Variants in DGKI observed in about 807,000 individuals in gnomAD.
The protein encoded by DGKI is DAG kinase iota.
Under a neutral mutation model 147.5 loss-of-function variants are expected in DGKI, and 55 were observed. The ratio of observed to expected loss-of-function variants is 0.37; its 90% CI spans 0.30 to 0.47. DGKI has a LOEUF of 0.47. DGKI is among the 20% of genes least tolerant of loss of function. The pLI is 1.00. For missense variants in DGKI, 1,007 were observed against 1,323.8 expected (o/e 0.76, Z 3.71); for synonymous variants, 469 against 477.1 (o/e 0.98, Z 0.22).
intron 28 of DGKI, among the ~76,000 whole-genome samples, chr7:137,416,499 C>A (rs142190869): frequency 1.5e-3 from 230 of 152,254 alleles, no homozygotes; most frequent in African/African-American, 5.3e-3. Flanking sequence ...GGAGAGTAGT[C>A]TCAGGTAACG....
chr7:137,487,006 C>T (rs1211974706), intron 22 of DGKI, among the ~76,000 whole-genome samples: 1 of 151,994 alleles, frequency 6.6e-6, no homozygotes, highest in African/African-American at 2.4e-5. Context: ...CAAAAACAAC[C>T]AACAACAATT....
At chr7:137,774,068 AC>A (rs1796289608) in intron 1 of DGKI, among the ~76,000 whole-genome samples, 2 of 152,294 alleles carry the variant, frequency 1.3e-5, no homozygotes, top group East Asian at 3.9e-4. Flanking sequence ...AAGGCACCAA[AC>A]TTTTTCAGTC....
chr7:137,595,027 C>A (rs529593803), intron 12 of DGKI, among the ~76,000 whole-genome samples: 1 of 151,904 alleles, frequency 6.6e-6, no homozygotes, highest in Non-Finnish European at 1.5e-5. Context: ...CATGGGGCAC[C>A]CAAGTGTAAA....
At chr7:137,795,703 C>T (rs888901053) in intron 1 of DGKI, among the ~76,000 whole-genome samples, 1 of 152,176 alleles carries the variant, frequency 6.6e-6, no homozygotes, top group African/African-American at 2.4e-5. Context: ...TCTGAGAAGA[C>T]CCCAATCTCT....
rs1811157847 is a variant in DGKI, at chr7:137,385,601, A to T, written c.*5619T>A. Reference sequence around the variant, plus strand: ...TCAAAACCCACTGAAAACTCTGCTTATTTTTCCTAGTTCTATCCTGAGAGC... The same window carrying T: ...TCAAAACCCACTGAAAACTCTGCTTTTTTTTCCTAGTTCTATCCTGAGAGC... On this transcript the variant is annotated 3_prime_UTR_variant, in exon 33 of 33. Transcript: ENST00000614521. 1 of 152,032 alleles carries T rather than the reference A, an allele frequency of 6.6e-6. No homozygotes were observed. The highest frequency in any genetic ancestry group is 6.6e-5 in the Admixed American group (1 of 15,248). The allele number at this position is 152,032 out of a possible 1,614,324, so 9.4% of individuals were successfully genotyped here.
chr7:137,781,426 C>A (rs928601999), intron 1 of DGKI, among the ~76,000 whole-genome samples: 3 of 152,338 alleles, frequency 2.0e-5, no homozygotes, highest in South Asian at 2.1e-4. Context: ...TGAAACTAGA[C>A]TAACAATTCA....
intron 1 of DGKI, among the ~76,000 whole-genome samples, chr7:137,788,862 A>G (rs1796759886): frequency 6.6e-6 from 1 of 152,270 alleles, no homozygotes; most frequent in East Asian, 1.9e-4. Context: ...GTGCTTCACT[A>G]TGTGCCCTTC....
In DGKI at chr7:137,386,936, C is replaced by T. The variant is rs1429788911; in HGVS notation, c.*4284G>A. On this transcript the variant is annotated 3_prime_UTR_variant, in exon 33 of 33. Coordinates refer to ENST00000614521, the MANE Select transcript of DGKI (RefSeq NM_001321708.2). ...ATGAATATAATTCATTTAAATAGAACAATTAGTAGTTTTATTTGATGGTTA... is the reference window on the plus strand; with the variant it reads ...ATGAATATAATTCATTTAAATAGAATAATTAGTAGTTTTATTTGATGGTTA... 1.3e-5 allele frequency: 2 copies of T among 152,072 alleles called. No homozygotes were observed. Among genetic ancestry groups the T allele is most frequent in the African/African-American group, 4.8e-5 (2 of 41,426 alleles). 9.4% of individuals were successfully genotyped at this position (152,072 alleles called of 1,614,324 possible).
At chr7:137,403,340 A>G (rs1585080143) in intron 30 of DGKI, among the ~76,000 whole-genome samples, 1 of 152,336 alleles carries the variant, frequency 6.6e-6, no homozygotes, top group East Asian at 1.9e-4. Context: ...CAAGCCTCCC[A>G]TGGCGCTTTC....
chr7:137,611,318 C>T (rs1011198142), intron 8 of DGKI, among the ~76,000 whole-genome samples: 1 of 152,172 alleles, frequency 6.6e-6, no homozygotes. Flanking sequence ...TACACATTGG[C>T]ATCACCCAGA....
intron 12 of DGKI, among the ~76,000 whole-genome samples, chr7:137,594,432 A>G (rs1036877496): frequency 6.6e-6 from 1 of 152,206 alleles, no homozygotes; most frequent in African/African-American, 2.4e-5. Context: ...CAAACTTTCT[A>G]TACCTTAAAT....
At chr7:137,665,765 T>G (rs1325045005) in intron 3 of DGKI, among the ~76,000 whole-genome samples, 1 of 152,130 alleles carries the variant, frequency 6.6e-6, no homozygotes, top group Non-Finnish European at 1.5e-5. Context: ...AAGAAAAAGT[T>G]GTCTATTTCC....
At chr7:137,421,736 A>G (rs1812579286) in intron 28 of DGKI, among the ~76,000 whole-genome samples, 1 of 152,232 alleles carries the variant, frequency 6.6e-6, no homozygotes, top group Non-Finnish European at 1.5e-5. Context: ...GCATGAGGAC[A>G]CTTTTTTCTC....
At chr7:137,768,611 G>A (rs934851336) in intron 1 of DGKI, among the ~76,000 whole-genome samples, 7 of 152,120 alleles carry the variant, frequency 4.6e-5, no homozygotes, top group Non-Finnish European at 8.8e-5. Flanking sequence ...GAGGCAACCC[G>A]ACTGCATGCA....
intron 21 of DGKI, among the ~76,000 whole-genome samples, chr7:137,496,582 T>C (rs1364583312): frequency 6.8e-6 from 1 of 147,468 alleles, no homozygotes; most frequent in Non-Finnish European, 1.5e-5. Context: ...CAAAACAACA[T>C]GATACTGGTA....
chr7:137,695,429 C>T (rs1010000983), intron 1 of DGKI, among the ~76,000 whole-genome samples: 3 of 152,316 alleles, frequency 2.0e-5, no homozygotes, highest in Non-Finnish European at 4.4e-5. Context: ...TACATTTGAA[C>T]AGAAAATACA....
chr7:137,562,505 A>G (rs1157186335), intron 19 of DGKI, among the ~76,000 whole-genome samples: 1 of 152,222 alleles, frequency 6.6e-6, no homozygotes, highest in Non-Finnish European at 1.5e-5. Flanking sequence ...ACTGCACTCC[A>G]GTCTGGGCAA....
At chr7:137,611,865 G>A (rs1005100393) in intron 8 of DGKI, among the ~76,000 whole-genome samples, 1 of 152,160 alleles carries the variant, frequency 6.6e-6, no homozygotes, top group African/African-American at 2.4e-5. Flanking sequence ...AGCCTCTCCT[G>A]ATTTGGGAAA....
intron 1 of DGKI, chr7:137,843,571 TAACA>T: frequency 7.6e-6 from 2 of 263,818 alleles, no homozygotes; most frequent in Non-Finnish European, 1.2e-5. Flanking sequence ...TTATTTTACT[TAACA>T]AAGTAAAAGT....
Sources: gnomAD v4.1 joint callset for allele counts (sites outside exome capture counted in the v4.1 genomes callset) on GRCh38, gnomAD v4.1.1 for gene constraint, MANE v1.5 for transcripts, NCBI Gene and HGNC (gene_info 2026-07-23, HGNC 2026-07-21) for gene names.